MTUS2: variants seen among roughly 807,000 people sequenced by gnomAD.
MTUS2 encodes microtubule associated scaffold protein 2.
A neutral mutation model predicts 114.1 loss-of-function variants in MTUS2; 40 were observed. The observed-to-expected ratio is 0.35, with a 90% confidence interval of 0.27 to 0.46. The LOEUF (loss-of-function observed/expected upper bound fraction) is 0.46. MTUS2 is among the 20% of genes least tolerant of loss of function. The pLI is 1.00. For missense variants in MTUS2, 1,679 were observed against 1,705.4 expected (o/e 0.98, Z 0.27); for synonymous variants, 688 against 672.0 (o/e 1.02, Z -0.37).
chr13:28,997,593 A>G (rs905071419), intron 2 of MTUS2, among the ~76,000 whole-genome samples: 53 of 152,062 alleles, frequency 3.5e-4, no homozygotes, highest in Admixed American at 2.5e-3. Flanking sequence ...GTGCATATAT[A>G]TTTAGGATAG....
Position 29,145,846 on chromosome 13 carries a change from T to C in MTUS2, c.2644+44876T>C, listed in dbSNP as rs148991499. On this transcript the variant is annotated intron_variant, in intron 5 of 15. Coordinates refer to ENST00000612955, the MANE Select transcript of MTUS2 (RefSeq NM_001033602.4). ...TGCATAATTACAATAGCAAGAATGA[T>C]GAGTGTAAATAGTTTTGGAAGCAAG... 2.7e-3 allele frequency among the ~76,000 whole-genome samples: 418 copies of C among 152,324 alleles called. 2 individuals carry two copies. Among genetic ancestry groups the C allele is most frequent in the African/African-American group, 9.6e-3 (398 of 41,562 alleles).
At chr13:29,404,589 G>T (rs373473821) in intron 8 of MTUS2, among the ~76,000 whole-genome samples, 10 of 152,158 alleles carry the variant, frequency 6.6e-5, no homozygotes, top group African/African-American at 2.4e-4. Context: ...GCCACAGGTG[G>T]ATTTGTGGCT....
intron 8 of MTUS2, among the ~76,000 whole-genome samples, chr13:29,407,080 A>G (rs1874813894): frequency 6.6e-6 from 1 of 152,268 alleles, no homozygotes; most frequent in African/African-American, 2.4e-5. Flanking sequence ...CCCTGTGTCT[A>G]CTAAAAATAC....
At chr13:29,093,072 C>T (rs1001834811) in intron 4 of MTUS2, among the ~76,000 whole-genome samples, 12 of 152,024 alleles carry the variant, frequency 7.9e-5, no homozygotes, top group Non-Finnish European at 1.6e-4. Context: ...CAGCTTTCCC[C>T]GATATGGGGC....
At chr13:29,417,951 A>G (rs547728576) in intron 8 of MTUS2, among the ~76,000 whole-genome samples, 14 of 152,286 alleles carry the variant, frequency 9.2e-5, no homozygotes, top group African/African-American at 3.4e-4. Context: ...TCTTGGAACA[A>G]AGTCCAGACT....
At chr13:29,331,232 CTGTT>C (rs1159175462) in intron 7 of MTUS2, among the ~76,000 whole-genome samples, 5 of 152,064 alleles carry the variant, frequency 3.3e-5, no homozygotes, top group African/African-American at 1.2e-4. Context: ...ATTTGGCTCT[CTGTT>C]TGTCTAGTAT....
intron 8 of MTUS2, among the ~76,000 whole-genome samples, chr13:29,394,743 C>T (rs1480907691): frequency 6.6e-6 from 1 of 152,150 alleles, no homozygotes; most frequent in Non-Finnish European, 1.5e-5. Flanking sequence ...GAGCAGTGGG[C>T]GAGCGCAAGC....
intron 9 of MTUS2, among the ~76,000 whole-genome samples, chr13:29,445,499 C>G (rs1245833312): frequency 6.6e-6 from 1 of 152,148 alleles, no homozygotes; most frequent in African/African-American, 2.4e-5. Context: ...ATGCATAGAG[C>G]AAGGTATATG....
At chr13:28,947,949 T>G (rs561677199) in intron 2 of MTUS2, among the ~76,000 whole-genome samples, 2 of 152,222 alleles carry the variant, frequency 1.3e-5, no homozygotes, top group African/African-American at 4.8e-5. Flanking sequence ...AGTGGCTTGC[T>G]TGAGACTGTA....
intron 7 of MTUS2, among the ~76,000 whole-genome samples, chr13:29,329,383 A>G (rs778054387): frequency 2.6e-5 from 4 of 151,494 alleles, no homozygotes; most frequent in African/African-American, 7.3e-5. Flanking sequence ...GAGTGAGAAC[A>G]TGTGGTATCT....
At chr13:29,198,059 G>A (rs1244094001) in intron 5 of MTUS2, among the ~76,000 whole-genome samples, 1 of 152,220 alleles carries the variant, frequency 6.6e-6, no homozygotes, top group East Asian at 1.9e-4. Flanking sequence ...CTGTGCAGAA[G>A]CTCTTTAGTT....
intron 5 of MTUS2, among the ~76,000 whole-genome samples, chr13:29,275,905 T>G (rs1055457416): frequency 6.6e-6 from 1 of 152,234 alleles, no homozygotes; most frequent in East Asian, 1.9e-4. Context: ...GATATATGTC[T>G]TCTTCTCAAC....
intron 6 of MTUS2, among the ~76,000 whole-genome samples, chr13:29,289,555 C>T (rs1175601321): frequency 4.6e-5 from 7 of 151,706 alleles, no homozygotes; most frequent in African/African-American, 7.3e-5. Context: ...CTCTGCCTCC[C>T]GGGTTCAAGT....
At chr13:28,896,835 G>A (rs1224266879) in intron 2 of MTUS2, among the ~76,000 whole-genome samples, 2 of 152,128 alleles carry the variant, frequency 1.3e-5, no homozygotes, top group Non-Finnish European at 2.9e-5. Context: ...GTGCTGGGAA[G>A]ACTGGCTAGC....
chr13:29,459,097 G>C (rs112110294), intron 9 of MTUS2, among the ~76,000 whole-genome samples: 1 of 152,212 alleles, frequency 6.6e-6, no homozygotes, highest in Non-Finnish European at 1.5e-5. Flanking sequence ...TCTTCGCATC[G>C]CTTGGACCCA....
At chr13:29,194,236 T>G (rs1206674296) in intron 5 of MTUS2, among the ~76,000 whole-genome samples, 2 of 151,692 alleles carry the variant, frequency 1.3e-5, no homozygotes, top group African/African-American at 2.4e-5. Flanking sequence ...AAGACAAAAT[T>G]GACAAATGGG....
At chr13:28,966,006 A>G (rs1883565425) in intron 2 of MTUS2, among the ~76,000 whole-genome samples, 1 of 152,254 alleles carries the variant, frequency 6.6e-6, no homozygotes, top group African/African-American at 2.4e-5. Context: ...CACACTGGCT[A>G]ACTAAACAGT....
At chr13:29,425,608 C>T (rs1362877350) in intron 8 of MTUS2, among the ~76,000 whole-genome samples, 1 of 152,054 alleles carries the variant, frequency 6.6e-6, no homozygotes, top group Non-Finnish European at 1.5e-5. Flanking sequence ...ACGGTTGAAC[C>T]TGGAAATAGG....
intron 5 of MTUS2, among the ~76,000 whole-genome samples, chr13:29,164,797 C>A (rs1281063520): frequency 2.0e-5 from 3 of 152,182 alleles, no homozygotes; most frequent in Non-Finnish European, 4.4e-5. Flanking sequence ...GAAATAATTT[C>A]TGTCCACGTT....
Sources: allele counts gnomAD v4.1 joint callset (sites outside exome capture counted in the v4.1 genomes callset), GRCh38; gene constraint gnomAD v4.1.1; transcripts MANE v1.5; gene names NCBI Gene and HGNC (gene_info 2026-07-23, HGNC 2026-07-21).